The following PLA2G4A variants were observed in gnomAD, a reference collection of about 807,000 sequenced individuals.
PLA2G4A encodes phospholipase A2 group IVA.
In PLA2G4A, 40 loss-of-function variants were observed where a neutral mutation model predicts 81.9. The ratio of observed to expected loss-of-function variants is 0.49; its 90% CI spans 0.38 to 0.64. The LOEUF (loss-of-function observed/expected upper bound fraction) is 0.64. Among genes scored for constraint, PLA2G4A ranks in the 30% least tolerant of loss-of-function variants. The pLI, the probability that PLA2G4A is intolerant of heterozygous loss-of-function variation, is 0.00. For synonymous variants in PLA2G4A, 302 were observed against 296.9 expected (o/e 1.02, Z -0.18); for missense variants, 715 against 905.1 (o/e 0.79, Z 2.69).
chr1:186,951,413 G>A (rs968650507), intron 13 of PLA2G4A, among the ~76,000 whole-genome samples: 3 of 150,326 alleles, frequency 2.0e-5, no homozygotes, highest in Admixed American at 6.7e-5. Context: ...TTTTGACACA[G>A]TGTTTTGAGA....
intron 2 of PLA2G4A, among the ~76,000 whole-genome samples, chr1:186,865,761 A>G (rs1653003875): frequency 6.6e-6 from 1 of 152,186 alleles, no homozygotes; most frequent in African/African-American, 2.4e-5. Context: ...AGATCATCAA[A>G]TTGATTTGGT....
At chr1:186,946,985 T>G in intron 12 of PLA2G4A, 24 bp downstream of exon 12, 1 of 1,242,666 alleles carries the variant, frequency 8.0e-7, no homozygotes, top group Non-Finnish European at 1.2e-6. Flanking sequence ...ATGCTTACAT[T>G]GATACAAATC....
At chr1:186,864,681 G>T (rs1652950871) in intron 2 of PLA2G4A, among the ~76,000 whole-genome samples, 1 of 147,954 alleles carries the variant, frequency 6.8e-6, no homozygotes, top group Non-Finnish European at 1.5e-5. Flanking sequence ...TTTTGTTATT[G>T]AGTTGAGTTC....
At chr1:186,983,083 CAAA>C (rs542890862) in intron 17 of PLA2G4A, among the ~76,000 whole-genome samples, 3 of 99,024 alleles carry the variant, frequency 3.0e-5, no homozygotes, top group African/African-American at 3.3e-5. Context: ...GAGTCTGTCT[CAAA>C]AAAAAAAAAA....
At chr1:186,903,433 G>C (rs547086335) in intron 5 of PLA2G4A, among the ~76,000 whole-genome samples, 1 of 151,994 alleles carries the variant, frequency 6.6e-6, no homozygotes, top group African/African-American at 2.4e-5. Flanking sequence ...TTAAAGCAGG[G>C]GTCCCCAACC....
chr1:186,974,204 T>C (rs1162280544), intron 15 of PLA2G4A, among the ~76,000 whole-genome samples: 1 of 152,184 alleles, frequency 6.6e-6, no homozygotes, highest in Non-Finnish European at 1.5e-5. Context: ...ACAAATAACA[T>C]TTATTTACAA....
At chr1:186,831,398 C>A (rs532049239) in intron 1 of PLA2G4A, among the ~76,000 whole-genome samples, 2 of 152,244 alleles carry the variant, frequency 1.3e-5, no homozygotes, top group Admixed American at 1.3e-4. Flanking sequence ...TTGCCTGAAA[C>A]CAGGTGACCT....
chr1:186,988,553 T>A lies in PLA2G4A; in HGVS notation c.*45T>A. The stretch of plus-strand genomic sequence containing the variant: ...AGCAGTTTCTGATGCTGAGGCAGTT[T>A]GCAATCCCATGACAACTGGATTTAA... On this transcript the variant is annotated 3_prime_UTR_variant, in exon 18 of 18. Transcript: ENST00000367466. The A allele has an allele frequency of 1.3e-6, 2 of 1,562,236 alleles. No individual in the cohort carries two copies. Among genetic ancestry groups the A allele is most frequent in the Non-Finnish European group, 1.8e-6 (2 of 1,136,586 alleles).
At chr1:186,887,986 T>C (rs1653995148) in intron 3 of PLA2G4A, among the ~76,000 whole-genome samples, 1 of 152,182 alleles carries the variant, frequency 6.6e-6, no homozygotes, top group African/African-American at 2.4e-5. Flanking sequence ...CTGATGCAGA[T>C]TGCAAAATCA....
At position 186,951,258 on chromosome 1, in the gene PLA2G4A, T is replaced by G. The variant is rs557663121; in HGVS notation, c.1336+530T>G. ...ATTATTTCATAGTATAAATGAGCCC[T>G]TTTACATTTTGACAAGGTAGTTTGC... On this transcript the variant is annotated intron_variant, in intron 13 of 17. Transcript: ENST00000367466. 5.3e-4 allele frequency among the ~76,000 whole-genome samples: 81 copies of G among 152,184 alleles called. 1 individual carries two copies. Among genetic ancestry groups the G allele is most frequent in the African/African-American group, 1.8e-3 (76 of 41,526 alleles).
intron 7 of PLA2G4A, among the ~76,000 whole-genome samples, chr1:186,920,036 G>T (rs148279433): frequency 2.6e-3 from 403 of 152,310 alleles, no homozygotes; most frequent in Non-Finnish European, 4.5e-3. Flanking sequence ...ACGTCTATGA[G>T]CACGGGGGCT....
At chr1:186,933,078 A>C (rs1024200114) in intron 8 of PLA2G4A, among the ~76,000 whole-genome samples, 179 bp downstream of exon 8, 3 of 152,188 alleles carry the variant, frequency 2.0e-5, no homozygotes, top group African/African-American at 7.2e-5. Context: ...TCCATACTTA[A>C]TAATAACTTT....
intron 7 of PLA2G4A, among the ~76,000 whole-genome samples, chr1:186,917,715 A>G (rs1026087318): frequency 9.2e-5 from 14 of 152,206 alleles, no homozygotes; most frequent in Admixed American, 2.6e-4. Context: ...GTGTTGGATA[A>G]GCCTCCACCC....
intron 3 of PLA2G4A, among the ~76,000 whole-genome samples, chr1:186,872,103 A>G (rs1156336098): frequency 6.6e-6 from 1 of 152,126 alleles, no homozygotes; most frequent in Non-Finnish European, 1.5e-5. Flanking sequence ...GAGGAGAGCA[A>G]TGGCAATTTC....
At chr1:186,981,816 CA>C (rs775689085) in intron 17 of PLA2G4A, among the ~76,000 whole-genome samples, 2 of 151,966 alleles carry the variant, frequency 1.3e-5, no homozygotes, top group African/African-American at 2.4e-5. Flanking sequence ...TGAAAAGGAC[CA>C]AAGTAGGCTA....
chr1:186,982,671 T>TTGTGTGTG (rs60587210), intron 17 of PLA2G4A, among the ~76,000 whole-genome samples: 1 of 150,782 alleles, frequency 6.6e-6, no homozygotes. Context: ...TAACTCCTCT[T>TTGTGTGTG]TGTGTGTGTG....
chr1:186,958,052 T>C (rs567456666), intron 14 of PLA2G4A, among the ~76,000 whole-genome samples: 1 of 152,320 alleles, frequency 6.6e-6, no homozygotes, highest in South Asian at 2.1e-4. Flanking sequence ...TTTGTTGTTG[T>C]TTTGGTATTG....
intron 13 of PLA2G4A, 95 bp downstream of exon 13, chr1:186,950,823 T>C: frequency 1.3e-6 from 1 of 752,342 alleles, no homozygotes; most frequent in Non-Finnish European, 2.4e-6. Flanking sequence ...ATGGTAATCT[T>C]CACTTCAGAC....
At chr1:186,890,704 A>G (rs1360789695) in intron 3 of PLA2G4A, among the ~76,000 whole-genome samples, 1 of 152,118 alleles carries the variant, frequency 6.6e-6, no homozygotes, top group Non-Finnish European at 1.5e-5. Flanking sequence ...ATATACAAAA[A>G]TTAGCCGGGC....
Sources: allele counts gnomAD v4.1 joint callset (sites outside exome capture counted in the v4.1 genomes callset), GRCh38; gene constraint gnomAD v4.1.1; transcripts MANE v1.5; gene names NCBI Gene and HGNC (gene_info 2026-07-23, HGNC 2026-07-21).